The following FRMD4A variants were observed in gnomAD, a reference collection of about 807,000 sequenced individuals.
FRMD4A encodes the protein FERM domain-containing protein 4A.
A neutral mutation model predicts 129.1 loss-of-function variants in FRMD4A; 29 were observed. The observed-to-expected ratio is 0.22, with a 90% confidence interval of 0.17 to 0.31. FRMD4A has a LOEUF of 0.31. FRMD4A is among the 10% of genes least tolerant of loss of function. The probability of loss-of-function intolerance (pLI) is 1.00; values close to 1 mark genes in which losing one functional copy is unlikely to be tolerated. For synonymous variants in FRMD4A, 634 were observed against 571.6 expected (o/e 1.11, Z -1.56); for missense variants, 1,272 against 1,375.8 (o/e 0.92, Z 1.19).
intron 23 of FRMD4A, among the ~76,000 whole-genome samples, chr10:13,653,604 C>G (rs1315982009): frequency 1.3e-5 from 2 of 152,222 alleles, no homozygotes; most frequent in Admixed American, 1.3e-4. Context: ...TCCCAGACAT[C>G]CCCCTGATGC....
chr10:14,070,759 C>G (rs1306510742), intron 2 of FRMD4A, among the ~76,000 whole-genome samples: 1 of 152,178 alleles, frequency 6.6e-6, no homozygotes, highest in African/African-American at 2.4e-5. Context: ...ATGCTAGGCA[C>G]TGGGATTATG....
chr10:14,125,832 A>T (rs1300144204), intron 2 of FRMD4A, among the ~76,000 whole-genome samples: 2 of 152,194 alleles, frequency 1.3e-5, no homozygotes, highest in African/African-American at 4.8e-5. Flanking sequence ...ATTAGTAGGT[A>T]AGTCTGCTAC....
intron 2 of FRMD4A, among the ~76,000 whole-genome samples, chr10:14,006,567 T>C (rs1205936559): frequency 6.6e-6 from 1 of 151,650 alleles, no homozygotes; most frequent in Non-Finnish European, 1.5e-5. Flanking sequence ...CGACTGGATT[T>C]GTGTGTGTGT....
At chr10:14,092,393 T>C (rs1836710904) in intron 2 of FRMD4A, among the ~76,000 whole-genome samples, 1 of 152,220 alleles carries the variant, frequency 6.6e-6, no homozygotes, top group Non-Finnish European at 1.5e-5. Flanking sequence ...GGACAGTTGG[T>C]TGCAACAGGA....
intron 2 of FRMD4A, among the ~76,000 whole-genome samples, chr10:14,185,060 T>C (rs1589139570): frequency 6.6e-6 from 1 of 152,298 alleles, no homozygotes; most frequent in South Asian, 2.1e-4. Context: ...TTGATACTTT[T>C]TCTTTGTTAA....
chr10:14,318,557 G>A (rs1418965520), intron 2 of FRMD4A, among the ~76,000 whole-genome samples: 1 of 141,226 alleles, frequency 7.1e-6, no homozygotes, highest in African/African-American at 2.7e-5. Flanking sequence ...AGCCCCAGAT[G>A]TTCAGAGTTT....
intron 3 of FRMD4A, among the ~76,000 whole-genome samples, chr10:13,827,061 G>C (rs942849496): frequency 5.3e-5 from 8 of 152,172 alleles, no homozygotes; most frequent in African/African-American, 1.9e-4. Flanking sequence ...AGAATAGGGG[G>C]ATTAGGAACT....
At position 13,659,431 on chromosome 10, in the gene FRMD4A, G is replaced by T. The variant is rs1773720313; in HGVS notation, c.1958C>A (p.Ser653Tyr). The T allele has an allele frequency of 1.2e-6, 2 of 1,613,968 alleles. No homozygotes were observed. Among genetic ancestry groups the T allele is most frequent in the Non-Finnish European group, 1.7e-6 (2 of 1,179,970 alleles). The change falls in exon 21 of 25, where the codon TCC becomes TAC. Residue 653 changes from serine to tyrosine, a missense_variant. By Grantham distance (144) the Ser-to-Tyr change is moderately radical. Around this residue, in one of 2 missense-constraint regions of FRMD4A, gnomAD observed 972 missense variants for 892.3 expected, o/e 1.09. Coordinates refer to ENST00000357447, the MANE Select transcript of FRMD4A (RefSeq NM_018027.5). Reference sequence around the variant, plus strand: ...GCCGCGGATGGGGCTGTTCTGCAAGGAGTTGCTTCCTCCGCCGGCTTCCGC... The same window carrying T: ...GCCGCGGATGGGGCTGTTCTGCAAGTAGTTGCTTCCTCCGCCGGCTTCCGC... ...SCAEAGGGSN[S>Y]LQNSPIRGLP...
chr10:13,965,438 G>A (rs1257829074), intron 2 of FRMD4A, among the ~76,000 whole-genome samples: 1 of 152,132 alleles, frequency 6.6e-6, no homozygotes, highest in Non-Finnish European at 1.5e-5. Flanking sequence ...CATACCTCCT[G>A]GACACAGGTG....
intron 2 of FRMD4A, among the ~76,000 whole-genome samples, chr10:14,011,338 C>G (rs941901395): frequency 6.6e-6 from 1 of 152,134 alleles, no homozygotes; most frequent in Non-Finnish European, 1.5e-5. Flanking sequence ...GGGCTAAGAA[C>G]CACAAAGGGG....
At chr10:14,206,790 A>G (rs1842792753) in intron 2 of FRMD4A, among the ~76,000 whole-genome samples, 1 of 89,432 alleles carries the variant, frequency 1.1e-5, no homozygotes, top group African/African-American at 3.9e-5. Context: ...AGCCTGGATG[A>G]CAGAGTGAGA....
intron 2 of FRMD4A, among the ~76,000 whole-genome samples, chr10:14,036,467 C>G (rs1218122958): frequency 6.6e-6 from 1 of 152,194 alleles, no homozygotes; most frequent in Non-Finnish European, 1.5e-5. Context: ...AGGGACAAAG[C>G]CAGGCCAAGG....
At chr10:13,742,049 G>T (rs2091036282) in intron 9 of FRMD4A, among the ~76,000 whole-genome samples, 1 of 152,130 alleles carries the variant, frequency 6.6e-6, no homozygotes, top group Non-Finnish European at 1.5e-5. Flanking sequence ...TAGAGATGGG[G>T]TTTTGCATGT....
chr10:14,304,271 G>A (rs1176746565), intron 2 of FRMD4A, among the ~76,000 whole-genome samples: 1 of 152,182 alleles, frequency 6.6e-6, no homozygotes, highest in African/African-American at 2.4e-5. Flanking sequence ...AAGAGCTCCA[G>A]CTTCCTTAGA....
At position 13,657,127 on chromosome 10, in the gene FRMD4A, T is replaced by C; in HGVS notation, c.2462A>G (p.Tyr821Cys). ...GGAGGAGGGV[Y>C]LHSQSQPSSQ... ...GCTGGGCTGGCTCTGGCTGTGCAGG[T>C]ACACACCGCCCCCCGCGCCCCCCGC... The change falls in exon 22 of 25, where the codon TAC (tyrosine) becomes TGC (cysteine). Residue 821 changes from tyrosine (Y) to cysteine (C), a missense_variant. Transcript: ENST00000357447. 6 of 1,532,168 alleles carry C rather than the reference T, an allele frequency of 3.9e-6. No homozygotes were observed. The highest frequency in any genetic ancestry group is 5.2e-6 in the Non-Finnish European group (6 of 1,145,560). 94.9% of individuals were successfully genotyped at this position (1,532,168 alleles called of 1,614,324 possible). A position where few individuals can be genotyped will look rare whatever the true frequency, so the allele number is the denominator to read the frequency against.
At chr10:13,764,184 C>CGTGT (rs369852562) in intron 6 of FRMD4A, among the ~76,000 whole-genome samples, 66,179 of 141,424 alleles carry the variant, frequency 0.47, 16,116 homozygotes, top group East Asian at 0.69. Flanking sequence ...CAAAGATTTC[C>CGTGT]GTGTGTGTGT....
At chr10:13,981,660 A>G (rs949251200) in intron 2 of FRMD4A, among the ~76,000 whole-genome samples, 1 of 148,608 alleles carries the variant, frequency 6.7e-6, no homozygotes, top group African/African-American at 2.5e-5. Flanking sequence ...AATCGTTTCA[A>G]CTCCGGAGGC....
chr10:13,722,393 G>A (rs1030916143), intron 12 of FRMD4A, among the ~76,000 whole-genome samples: 1 of 150,900 alleles, frequency 6.6e-6, no homozygotes, highest in Non-Finnish European at 1.5e-5. Flanking sequence ...CACCATACTC[G>A]GCTAATTAAA....
At position 14,330,474 on chromosome 10, in the gene FRMD4A, CT is replaced by C. The variant is rs547393857; in HGVS notation, c.-82+122del. On this transcript the variant is annotated intron_variant, in intron 1 of 24. Transcript: ENST00000357447. Reference sequence around the variant, plus strand: ...ACCTTCGCCCTGGCAGCAATTCTTCCTTTAACTGACAATTAAAATAAAACAT... The same window carrying C: ...ACCTTCGCCCTGGCAGCAATTCTTCCTTAACTGACAATTAAAATAAAACAT... The C allele has an allele frequency of 2.2e-5, 9 of 407,552 alleles. No individual in the cohort carries two copies. In the South Asian group the frequency reaches 6.5e-4, roughly 30 times the overall value. The allele number at this position is 407,552 out of a possible 1,614,324, so 25.2% of individuals were successfully genotyped here.
Sources: allele counts gnomAD v4.1 joint callset (sites outside exome capture counted in the v4.1 genomes callset), GRCh38; gene constraint gnomAD v4.1.1; regional missense constraint gnomAD v4.1.1; transcripts MANE v1.5; gene names NCBI Gene and HGNC (gene_info 2026-07-23, HGNC 2026-07-21).